Variants in DIP2C observed in about 807,000 individuals in gnomAD.
DIP2C encodes DIP2 acetate--CoA ligase C (putative).
A neutral mutation model predicts 192.4 loss-of-function variants in DIP2C; 33 were observed. That is an observed-to-expected ratio of 0.17 (90% CI 0.13 to 0.23). The LOEUF (loss-of-function observed/expected upper bound fraction) is 0.23, where lower values mean the gene tolerates loss of function less well. Ranked by LOEUF, DIP2C falls within the 10% of genes least tolerant of loss-of-function variation. DIP2C has a pLI of 1.00. For missense variants in DIP2C, 1,537 were observed against 2,110.1 expected (o/e 0.73, Z 5.32); for synonymous variants, 979 against 864.1 (o/e 1.13, Z -2.33).
intron 1 of DIP2C, among the ~76,000 whole-genome samples, chr10:579,814 A>G (rs1026069724): frequency 4.0e-5 from 6 of 150,550 alleles, no homozygotes; most frequent in African/African-American, 1.2e-4. Context: ...GGTACACTAT[A>G]ATGTGTACAT....
Position 346,834 on chromosome 10 carries a change from G to A in DIP2C, c.3232-1724C>T, listed in dbSNP as rs1382006985. ...AACGTCACACGCACCCGGACACATC[G>A]CGCGTAGTTCTCCCGGAAACGTCAC... On this transcript the variant is annotated intron_variant, in intron 26 of 36. Coordinates refer to ENST00000280886, the MANE Select transcript of DIP2C (RefSeq NM_014974.3). 2.8e-3 allele frequency among the ~76,000 whole-genome samples: 8 copies of A among 2,846 alleles called. 4 individuals are homozygous for A. The highest frequency in any genetic ancestry group is 4.8e-3 in the Non-Finnish European group (4 of 830). 1.9% of individuals were successfully genotyped at this position (2,846 alleles called of 152,430 possible).
At chr10:536,038 C>T (rs981644367) in intron 1 of DIP2C, among the ~76,000 whole-genome samples, 1 of 152,186 alleles carries the variant, frequency 6.6e-6, no homozygotes, top group African/African-American at 2.4e-5. Flanking sequence ...ACAAATGTCC[C>T]AGATTGGGCA....
chr10:540,957 G>C (rs919764913), intron 1 of DIP2C, among the ~76,000 whole-genome samples: 1 of 152,150 alleles, frequency 6.6e-6, no homozygotes, highest in Non-Finnish European at 1.5e-5. Flanking sequence ...TGGTGGTCGT[G>C]CTACACGCAG....
intron 1 of DIP2C, among the ~76,000 whole-genome samples, chr10:533,935 G>C (rs531718657): frequency 1.3e-5 from 2 of 151,792 alleles, no homozygotes; most frequent in African/African-American, 4.8e-5. Context: ...GTATAATAAT[G>C]AAATCACATG....
intron 7 of DIP2C, among the ~76,000 whole-genome samples, chr10:414,737 G>GTATATATA (rs1213629573): frequency 0.01 from 570 of 55,776 alleles, 25 homozygotes; most frequent in African/African-American, 0.026. Flanking sequence ...GTGTGTGTGT[G>GTATATATA]TGTACATATA....
intron 1 of DIP2C, among the ~76,000 whole-genome samples, chr10:525,901 T>C (rs1049718886): frequency 6.6e-6 from 1 of 152,298 alleles, no homozygotes; most frequent in Admixed American, 6.5e-5. Flanking sequence ...CCAGCAGGTC[T>C]GTGCCCAGGA....
intron 1 of DIP2C, among the ~76,000 whole-genome samples, chr10:491,288 G>A (rs1844430038): frequency 6.6e-6 from 1 of 152,222 alleles, no homozygotes; most frequent in Non-Finnish European, 1.5e-5. Context: ...CGGTTTCCAT[G>A]TGCAGTGTCA....
intron 1 of DIP2C, among the ~76,000 whole-genome samples, chr10:604,284 C>T (rs761040452): frequency 1.3e-5 from 2 of 152,132 alleles, no homozygotes; most frequent in Non-Finnish European, 2.9e-5. Context: ...CATTGTTTTC[C>T]TCCTAATGAA....
chr10:489,669 G>A (rs113818143), intron 1 of DIP2C, among the ~76,000 whole-genome samples: 296 of 147,650 alleles, frequency 2.0e-3, no homozygotes, highest in African/African-American at 4.8e-3. Flanking sequence ...GACGGTGCCC[G>A]GGGCTTCCTC....
At chr10:530,443 G>A (rs534449134) in intron 1 of DIP2C, among the ~76,000 whole-genome samples, 3 of 152,030 alleles carry the variant, frequency 2.0e-5, no homozygotes, top group African/African-American at 2.4e-5. Flanking sequence ...GGCCAAGGTC[G>A]TGACACCCCA....
intron 1 of DIP2C, among the ~76,000 whole-genome samples, chr10:685,737 G>T (rs564330969): frequency 6.6e-6 from 1 of 152,034 alleles, no homozygotes; most frequent in East Asian, 1.9e-4. Context: ...CGAGGCGGGC[G>T]GATCACCTGA....
At chr10:661,195 T>C (rs1036113086) in intron 1 of DIP2C, among the ~76,000 whole-genome samples, 3 of 152,200 alleles carry the variant, frequency 2.0e-5, no homozygotes, top group African/African-American at 7.2e-5. Context: ...ACCGAGTGGA[T>C]GACTTTGAGA....
intron 4 of DIP2C, among the ~76,000 whole-genome samples, chr10:435,514 C>T (rs750539453): frequency 6.6e-6 from 1 of 152,204 alleles, no homozygotes; most frequent in Non-Finnish European, 1.5e-5. Context: ...TTTGTCAATT[C>T]CAGTTCAGGT....
At chr10:596,431 G>A (rs565993421) in intron 1 of DIP2C, among the ~76,000 whole-genome samples, 1 of 142,970 alleles carries the variant, frequency 7.0e-6, no homozygotes, top group Non-Finnish European at 1.5e-5. Flanking sequence ...GGGAGGGAGA[G>A]GTTGCAGTGA....
At position 576,175 on chromosome 10, in the gene DIP2C, G is replaced by A. The variant is rs779348292; in HGVS notation, c.86-89645C>T. On this transcript the variant is annotated intron_variant, in intron 1 of 36. Coordinates refer to ENST00000280886, the MANE Select transcript of DIP2C (RefSeq NM_014974.3). ...GCTGGCACCAAGCAGAATGTCACATGTCCAGCATTTATAAATGGTATCAGT... is the reference window on the plus strand; with the variant it reads ...GCTGGCACCAAGCAGAATGTCACATATCCAGCATTTATAAATGGTATCAGT... 3.3e-5 allele frequency among the ~76,000 whole-genome samples: 5 copies of A among 152,324 alleles called. No homozygotes were observed. The South Asian group carries it at 1.0e-3, about 32-fold the overall frequency.
chr10:606,041 T>C (rs1246317018), intron 1 of DIP2C, among the ~76,000 whole-genome samples: 1 of 152,204 alleles, frequency 6.6e-6, no homozygotes, highest in Non-Finnish European at 1.5e-5. Flanking sequence ...GGTCCGACTG[T>C]GCAAGTCTTC....
At chr10:294,574 A>G (rs1409387673) in intron 32 of DIP2C, among the ~76,000 whole-genome samples, 1 of 151,836 alleles carries the variant, frequency 6.6e-6, no homozygotes, top group African/African-American at 2.4e-5. Context: ...AGCCTGGGTG[A>G]CAGAGTGATA....
In DIP2C at chr10:674,826, A is replaced by ACC. The variant is rs1554772170; in HGVS notation, c.85+14667_85+14668insGG. ...GAGAGAGAGAGAGAGAGAGAGAGAG[A>ACC]GAGACCAACACAACAATAGTAGGGG... On this transcript the variant is annotated intron_variant, in intron 1 of 36. Coordinates refer to ENST00000280886, the MANE Select transcript of DIP2C (RefSeq NM_014974.3). 3.4e-3 allele frequency among the ~76,000 whole-genome samples: 487 copies of ACC among 144,640 alleles called. 6 individuals carry two copies. Among genetic ancestry groups the ACC allele is most frequent in the African/African-American group, 9.6e-3 (361 of 37,710 alleles). 94.9% of individuals were successfully genotyped at this position (144,640 alleles called of 152,430 possible). A position where few individuals can be genotyped will look rare whatever the true frequency, so the allele number is the denominator to read the frequency against.
At chr10:316,006 G>GT (rs912851904) in intron 31 of DIP2C, among the ~76,000 whole-genome samples, 2 of 151,892 alleles carry the variant, frequency 1.3e-5, no homozygotes, top group African/African-American at 4.8e-5. Context: ...TTTCCATTTT[G>GT]TTTTTTCTCA....
Sources: allele counts gnomAD v4.1 joint callset (sites outside exome capture counted in the v4.1 genomes callset), GRCh38; gene constraint gnomAD v4.1.1; transcripts MANE v1.5; gene names NCBI Gene and HGNC (gene_info 2026-07-23, HGNC 2026-07-21).